The following SREBF2 variants were observed in gnomAD, a reference collection of about 807,000 sequenced individuals.
SREBF2 encodes the protein sterol regulatory element-binding protein 2.
In SREBF2, 55 loss-of-function variants were observed where a neutral mutation model predicts 113.1. The ratio of observed to expected loss-of-function variants is 0.49; its 90% CI spans 0.39 to 0.61. The LOEUF (loss-of-function observed/expected upper bound fraction) is 0.61, where lower values mean the gene tolerates loss of function less well. SREBF2 is among the 20% of genes least tolerant of loss of function. The pLI is 0.00. For synonymous variants in SREBF2, 593 were observed against 605.7 expected, an observed-to-expected ratio of 0.98 and a Z score of 0.31; for missense variants, 1,349 against 1,487.4, an observed-to-expected ratio of 0.91 and a Z score of 1.53.
chr22:41,900,577 A>G, intron 16 of SREBF2, 79 bp downstream of exon 16: 2 of 1,462,752 alleles, frequency 1.4e-6, no homozygotes, highest in East Asian at 2.3e-5. Flanking sequence ...CCTCATGCTG[A>G]CCCTGCGGGT....
At chr22:41,869,841 G>A (rs1459115980) in intron 3 of SREBF2, among the ~76,000 whole-genome samples, 4 of 150,122 alleles carry the variant, frequency 2.7e-5, no homozygotes, top group Non-Finnish European at 5.9e-5. Context: ...ATATATCATC[G>A]TGGACTATAT....
At chr22:41,843,680 A>C (rs1432325717) in intron 1 of SREBF2, among the ~76,000 whole-genome samples, 2 of 152,016 alleles carry the variant, frequency 1.3e-5, no homozygotes, top group Non-Finnish European at 2.9e-5. Flanking sequence ...CTTTGAAGCT[A>C]TTTATTCAAC....
Position 41,904,926 on chromosome 22 carries a change from C to T in SREBF2, c.3157C>T (p.Leu1053=). ...AGASPTRTHQ[L]LEHSLRRRTT... is the part of the protein sequence containing the mutation. Reference sequence around the variant, plus strand: ...AGCCAGCCCCACCCGCACCCACCAGCTGCTGGAACACAGCCTGCGGCGGCG... The same window carrying T: ...AGCCAGCCCCACCCGCACCCACCAGTTGCTGGAACACAGCCTGCGGCGGCG... Residue 1053 remains leucine, a synonymous_variant, in exon 18 of 19, where the codon CTG becomes TTG. Transcript: ENST00000361204. 6.2e-7 allele frequency: 1 copy of T among 1,606,236 alleles called. No individual in the cohort carries two copies. The highest frequency in any genetic ancestry group is 8.5e-7 in the Non-Finnish European group (1 of 1,178,932).
intron 1 of SREBF2, among the ~76,000 whole-genome samples, chr22:41,864,069 G>A (rs1042834804): frequency 1.3e-5 from 2 of 148,636 alleles, no homozygotes; most frequent in African/African-American, 5.0e-5. Context: ...AGTAGACAGG[G>A]GTTTTCACCA....
rs554550448 is a variant in SREBF2, at chr22:41,874,712, C to T, written c.1090-625C>T. On this transcript the variant is annotated intron_variant, in intron 5 of 18. Transcript: ENST00000361204. Reference sequence around the variant, plus strand: ...CACGAGGCCAGGAGTTCAAGACCAGCCTGGCCAACATGGTGAAACCCCGTC... The same window carrying T: ...CACGAGGCCAGGAGTTCAAGACCAGTCTGGCCAACATGGTGAAACCCCGTC... 1.1e-4 allele frequency among the ~76,000 whole-genome samples: 17 copies of T among 152,208 alleles called. No homozygotes were observed. The South Asian group carries it at 3.5e-3, about 32-fold the overall frequency.
chr22:41,852,669 C>G (rs945754497), intron 1 of SREBF2, among the ~76,000 whole-genome samples: 1 of 147,578 alleles, frequency 6.8e-6, no homozygotes, highest in African/African-American at 2.5e-5. Context: ...GCTTCTTCAT[C>G]AATTGATGAA....
chr22:41,883,872 G>A (rs2077273171), intron 10 of SREBF2, among the ~76,000 whole-genome samples: 1 of 152,352 alleles, frequency 6.6e-6, no homozygotes, highest in South Asian at 2.1e-4. Context: ...GAGACTGCTT[G>A]CCCTTGTAGT....
intron 15 of SREBF2, among the ~76,000 whole-genome samples, chr22:41,899,709 C>T (rs551283308): frequency 6.8e-4 from 103 of 152,296 alleles, no homozygotes; most frequent in African/African-American, 2.4e-3. Context: ...GTCGATGTGC[C>T]TGAGGACACT....
chr22:41,874,082 A>G, intron 5 of SREBF2, 63 bp downstream of exon 5: 3 of 1,568,798 alleles, frequency 1.9e-6, no homozygotes, highest in Non-Finnish European at 2.6e-6. Flanking sequence ...TTTTTGCCTC[A>G]GGAGCCTAGA....
At position 41,866,838 on chromosome 22, in the gene SREBF2, G is replaced by A; in HGVS notation, c.96G>A (p.Leu32=). Residue 32 remains leucine, a synonymous_variant, in exon 2 of 19, where the codon CTG becomes CTA. Coordinates refer to ENST00000361204, the MANE Select transcript of SREBF2 (RefSeq NM_004599.4). ...CTTTTCTTTTGTTCACAGAGATGCT[G>A]CAATTTGTCAGTAATCAAGTGGGAG... is the stretch of plus-strand genomic sequence containing the variant. ...ELTLGDIDEM[L]QFVSNQVGEF... The A allele has an allele frequency of 6.2e-7, 1 of 1,614,224 alleles. No individual in the cohort carries two copies. The highest frequency in any genetic ancestry group is 1.1e-5 in the South Asian group (1 of 91,086).
At position 41,905,568 on chromosome 22, in the gene SREBF2, A is replaced by G; in HGVS notation, c.3334A>G (p.Thr1112Ala). The G allele has an allele frequency of 6.3e-7, 1 of 1,596,408 alleles. No individual in the cohort carries two copies. The highest frequency in any genetic ancestry group is 8.5e-7 in the Non-Finnish European group (1 of 1,172,426). Residue 1112 changes from threonine (T) to alanine (A), a missense_variant, in exon 19 of 19, where the codon ACC becomes GCC. Around this residue, in one of 2 missense-constraint regions of SREBF2, gnomAD observed 650 missense variants for 644.1 expected, o/e 1.01. Coordinates refer to ENST00000361204, the MANE Select transcript of SREBF2 (RefSeq NM_004599.4). ...AGTGCTGCTGGCCGAAGCTGCCCGC[A>G]CCCTGGAGAAGGTGGGCGACCGGCG... ...RAVLLAEAAR[T>A]LEKVGDRRSC...
intron 14 of SREBF2, among the ~76,000 whole-genome samples, chr22:41,897,442 C>G (rs957980146): frequency 6.6e-6 from 1 of 152,204 alleles, no homozygotes; most frequent in African/African-American, 2.4e-5. Context: ...CCCAGAAGAA[C>G]AAGCAATGAG....
chr22:41,862,285 G>A lies in SREBF2; in HGVS notation c.89-4546G>A, dbSNP rs187625036. ...AGTCATGGGGCTGCTTGCAATGCAC[G>A]GATGATAACAGGAACCTCTAATTTT... On this transcript the variant is annotated intron_variant, in intron 1 of 18. Transcript: ENST00000361204. Among the ~76,000 whole-genome samples, 82 of 152,280 alleles carry A rather than the reference G, an allele frequency of 5.4e-4. 1 individual carries two copies. In the Middle Eastern group the frequency reaches 0.02, roughly 38 times the overall value.
In SREBF2 at chr22:41,897,027, A is replaced by G. The variant is rs768204355; in HGVS notation, c.2496-25A>G. The G allele has an allele frequency of 1.9e-6, 3 of 1,550,960 alleles. No homozygotes were observed. In the African/African-American group the frequency reaches 4.1e-5, roughly 21 times the overall value. On this transcript the variant is annotated intron_variant, in intron 13 of 18. Transcript: ENST00000361204. ...GCCTTGTGTATATGTTTTGATGTAC[A>G]TGGGACCCTTTCTTTTCTTCCTAGT...
At chr22:41,847,085 TTC>T (rs1444983646) in intron 1 of SREBF2, among the ~76,000 whole-genome samples, 1 of 152,236 alleles carries the variant, frequency 6.6e-6, no homozygotes, top group Non-Finnish European at 1.5e-5. Context: ...AGTATTCTTT[TTC>T]TCTTTAGTTT....
intron 1 of SREBF2, among the ~76,000 whole-genome samples, chr22:41,856,026 G>C (rs1398537301): frequency 6.6e-6 from 1 of 152,096 alleles, no homozygotes; most frequent in Non-Finnish European, 1.5e-5. Flanking sequence ...GGCCTTAAGT[G>C]ATCCTCCTGC....
intron 2 of SREBF2, 98 bp from the exon 3 acceptor site, chr22:41,868,513 G>A: frequency 7.2e-7 from 1 of 1,385,088 alleles, no homozygotes; most frequent in Non-Finnish European, 1.0e-6. Flanking sequence ...TGGGGAGTTG[G>A]AATCATTATG....
intron 16 of SREBF2, 31 bp downstream of exon 16, chr22:41,900,529 A>C (rs1400868164): frequency 6.2e-7 from 1 of 1,607,924 alleles, no homozygotes; most frequent in African/African-American, 1.3e-5. Context: ...CCCCTGGGGG[A>C]GGTGCTCTGC....
intron 10 of SREBF2, among the ~76,000 whole-genome samples, chr22:41,883,169 A>C (rs1232655347): frequency 6.6e-6 from 1 of 152,170 alleles, no homozygotes; most frequent in Admixed American, 6.5e-5. Flanking sequence ...AGACACTGAG[A>C]TGCTAAGTGT....
Sources: allele counts gnomAD v4.1 joint callset (sites outside exome capture counted in the v4.1 genomes callset), GRCh38; gene constraint gnomAD v4.1.1; regional missense constraint gnomAD v4.1.1; transcripts MANE v1.5; gene names NCBI Gene and HGNC (gene_info 2026-07-23, HGNC 2026-07-21).